Variants in PPM1B observed in about 807,000 individuals in gnomAD.
The protein encoded by PPM1B is protein phosphatase, Mg2+/Mn2+ dependent 1B.
PPM1B carries 22 observed loss-of-function variants against 43.0 expected under a neutral mutation model. That is an observed-to-expected ratio of 0.51 (90% confidence interval 0.37 to 0.73). PPM1B has a LOEUF of 0.73. Among genes scored for constraint, PPM1B ranks in the 30% least tolerant of loss-of-function variants. PPM1B has a pLI of 0.00. For missense variants in PPM1B, 632 were observed against 584.2 expected (o/e 1.08, Z -0.84); for synonymous variants, 217 against 197.9 (o/e 1.10, Z -0.81).
At chr2:44,233,701 C>T (rs1442761809), downstream of PPM1B, 2 of 985,722 alleles carry the variant, frequency 2.0e-6, no homozygotes, top group Non-Finnish European at 1.2e-6. Context: ...TTTCCTGAAG[C>T]TGTTTCTGGA....
intron 3 of PPM1B, among the ~76,000 whole-genome samples, chr2:44,214,797 C>G (rs1424024306): frequency 1.3e-5 from 2 of 152,162 alleles, no homozygotes; most frequent in Admixed American, 6.5e-5. Flanking sequence ...GCCTAAAGTT[C>G]TCCTAGTCAG....
intron 1 of PPM1B, among the ~76,000 whole-genome samples, chr2:44,171,458 T>C (rs567822487): frequency 6.6e-6 from 1 of 152,342 alleles, no homozygotes; most frequent in African/African-American, 2.4e-5. Context: ...TAAAATATGA[T>C]GCTGATTATG....
chr2:44,189,638 T>A (rs1668308849), intron 1 of PPM1B, among the ~76,000 whole-genome samples: 1 of 152,134 alleles, frequency 6.6e-6, no homozygotes, highest in Non-Finnish European at 1.5e-5. Context: ...TAATTTTTTG[T>A]ATTTTTAGTA....
At chr2:44,210,593 T>A (rs1168779094) in intron 3 of PPM1B, among the ~76,000 whole-genome samples, 2 of 152,142 alleles carry the variant, frequency 1.3e-5, no homozygotes, top group African/African-American at 4.8e-5. Flanking sequence ...GTCCTTTACC[T>A]AGATTCCTTA....
At chr2:44,235,319 T>C (rs189867203), downstream of PPM1B, among the ~76,000 whole-genome samples, 663 of 152,244 alleles carry the variant, frequency 4.4e-3, 7 homozygotes, top group African/African-American at 0.014. Context: ...AGTTTTTTGT[T>C]AAGGGTAGGC....
intron 5 of PPM1B, chr2:44,218,769 C>G (rs1421196386): frequency 2.2e-6 from 1 of 458,238 alleles, no homozygotes; most frequent in Non-Finnish European, 4.0e-6. Flanking sequence ...ATCAAATGAC[C>G]TTTTTTGTTT....
intron 1 of PPM1B, among the ~76,000 whole-genome samples, chr2:44,186,998 G>C (rs898135093): frequency 6.6e-5 from 10 of 152,326 alleles, no homozygotes; most frequent in Admixed American, 2.0e-4. Flanking sequence ...GTAGTGTTAA[G>C]TATATTCACA....
At chr2:44,241,157 C>G (rs1449358443) in intron 5 of PPM1B, among the ~76,000 whole-genome samples, 1 of 143,684 alleles carries the variant, frequency 7.0e-6, no homozygotes, top group African/African-American at 2.5e-5. Context: ...GAATGCGTCA[C>G]CACGCCCGGC....
intron 1 of PPM1B, among the ~76,000 whole-genome samples, chr2:44,193,933 C>T (rs115046594): frequency 3.2e-3 from 492 of 152,210 alleles, no homozygotes; most frequent in African/African-American, 0.011. Flanking sequence ...AGGCTGGTCT[C>T]GAGCTACTGG....
chr2:44,176,224 G>A (rs1208766893), intron 1 of PPM1B, among the ~76,000 whole-genome samples: 2 of 152,218 alleles, frequency 1.3e-5, no homozygotes. Flanking sequence ...GAGGATGGGA[G>A]TAAAGGTGGA....
rs1267622781 is a variant in PPM1B at position 44,210,933 on chromosome 2, G to A, written c.964+1606G>A. The stretch of plus-strand genomic sequence containing the variant: ...TGCACGGCTCACGAGGTCAAGAGTT[G>A]GAGACCAGCCTGGCCAACATGGTGA... On this transcript the variant is annotated intron_variant, in intron 3 of 5. Coordinates refer to ENST00000282412, the MANE Select transcript of PPM1B (RefSeq NM_002706.6). Among the ~76,000 whole-genome samples the A allele has an allele frequency of 7.9e-5, 12 of 152,122 alleles. No individual in the cohort carries two copies. The South Asian group carries it at 2.1e-3, about 26-fold the overall frequency.
At chr2:44,176,846 A>G (rs554399145) in intron 1 of PPM1B, among the ~76,000 whole-genome samples, 6 of 152,150 alleles carry the variant, frequency 3.9e-5, no homozygotes, top group African/African-American at 1.4e-4. Context: ...CAGTGGTGCA[A>G]TCTCGGCTCA....
chr2:44,189,870 AATTTTTCATTGC>A (rs1668320419), intron 1 of PPM1B, among the ~76,000 whole-genome samples: 1 of 152,040 alleles, frequency 6.6e-6, no homozygotes, highest in Admixed American at 6.5e-5. Context: ...TCCTGCTCTT[AATTTTTCATTGC>A]TTCGTGTTTT....
intron 5 of PPM1B, among the ~76,000 whole-genome samples, chr2:44,229,765 A>T (rs989946084): frequency 6.6e-6 from 1 of 152,188 alleles, no homozygotes; most frequent in Non-Finnish European, 1.5e-5. Flanking sequence ...AGTATTAAGT[A>T]GTTACTATTG....
chr2:44,212,973 A>G (rs1669548933), intron 3 of PPM1B, among the ~76,000 whole-genome samples: 2 of 150,144 alleles, frequency 1.3e-5, no homozygotes, highest in Admixed American at 6.7e-5. Context: ...AGATCCTGCC[A>G]CTGCACTCCA....
intron 1 of PPM1B, among the ~76,000 whole-genome samples, chr2:44,189,731 C>A (rs1198724440): frequency 4.6e-5 from 7 of 152,198 alleles, no homozygotes. Context: ...TCCCAAAGTG[C>A]TGGGATTACA....
intron 3 of PPM1B, among the ~76,000 whole-genome samples, chr2:44,211,545 G>A (rs1190626498): frequency 6.6e-6 from 1 of 151,758 alleles, no homozygotes; most frequent in Non-Finnish European, 1.5e-5. Flanking sequence ...TGTCTTTCAG[G>A]TTACTTAATT....
downstream of PPM1B, among the ~76,000 whole-genome samples, chr2:44,235,834 G>C (rs1670593344): frequency 6.6e-6 from 1 of 152,014 alleles, no homozygotes; most frequent in South Asian, 2.1e-4. Context: ...AGGAGTTCAA[G>C]GCTGCAGTGA....
intron 5 of PPM1B, among the ~76,000 whole-genome samples, chr2:44,242,110 G>A (rs1670760113): frequency 1.3e-5 from 2 of 151,576 alleles, no homozygotes; most frequent in Admixed American, 6.6e-5. Context: ...CACCCACCTC[G>A]GCCTCCCAAA....
Sources: gnomAD v4.1 joint callset for allele counts (sites outside exome capture counted in the v4.1 genomes callset) on GRCh38, gnomAD v4.1.1 for gene constraint, MANE v1.5 for transcripts, NCBI Gene and HGNC (gene_info 2026-07-23, HGNC 2026-07-21) for gene names.